The following PAK3 variants were observed in gnomAD, a reference collection of about 807,000 sequenced individuals.
PAK3 encodes the protein serine/threonine-protein kinase PAK 3.
PAK3 carries 4 observed loss-of-function variants against 41.0 expected under a neutral mutation model. The ratio of observed to expected loss-of-function variants is 0.10; its 90% confidence interval spans 0.05 to 0.22. The LOEUF (loss-of-function observed/expected upper bound fraction) is 0.22. PAK3 is among the 10% of genes least tolerant of loss of function. PAK3 has a pLI of 1.00. For missense variants in PAK3, 205 were observed against 409.9 expected (o/e 0.50, Z 4.32); for synonymous variants, 146 against 139.6 (o/e 1.05, Z -0.32).
rs1165214381 is a variant in PAK3, at chrX:111,225,165, T to A, written c.*4718T>A. The A allele has an allele frequency of 8.9e-6, 1 of 112,405 alleles. No individual in the cohort carries two copies. The highest frequency in any genetic ancestry group is 1.9e-5 in the Non-Finnish European group (1 of 53,339). 9.3% of individuals were successfully genotyped at this position (112,405 alleles called of 1,213,427 possible). A position where few individuals can be genotyped will look rare whatever the true frequency, so the allele number is the denominator to read the frequency against. ...GAATATTTCTCCTATGAAAGAATTT[T>A]TCGTAGAAGATTTGTTTTTGATATA... On this transcript the variant is annotated 3_prime_UTR_variant, in exon 18 of 18. Transcript: ENST00000372007.
intron 6 of PAK3, among the ~76,000 whole-genome samples, chrX:111,146,192 T>A (rs2093941889): frequency 8.9e-6 from 1 of 112,215 alleles, no homozygotes; most frequent in Non-Finnish European, 1.9e-5. Flanking sequence ...CCTTCTTGCC[T>A]CCAAATTCAT....
intron 1 of PAK3, chrX:111,013,835 T>C (rs1180024226): frequency 9.0e-6 from 1 of 111,630 alleles, no homozygotes; most frequent in Non-Finnish European, 1.9e-5. Flanking sequence ...CAGAATAACA[T>C]ACAGAGGACA....
At position 111,104,430 on chromosome X, in the gene PAK3, T is replaced by C. The variant is rs138468238; in HGVS notation, c.-28+1124T>C. ...CCTACAGACAAGGTAAAACTGCAGC[T>C]CAGCAGCAGGTGTTTCTGTGATGCC... On this transcript the variant is annotated intron_variant, in intron 4 of 17. Coordinates refer to ENST00000372007, the MANE Select transcript of PAK3 (RefSeq NM_002578.5). Among the ~76,000 whole-genome samples, 1,031 of 112,128 alleles carry C rather than the reference T, an allele frequency of 9.2e-3. 9 individuals are homozygous for C. Among genetic ancestry groups the C allele is most frequent in the Non-Finnish European group, 0.015 (806 of 53,187 alleles).
At chrX:111,064,702 G>A (rs1051595505) in intron 1 of PAK3, among the ~76,000 whole-genome samples, 1 of 112,321 alleles carries the variant, frequency 8.9e-6, no homozygotes, top group Non-Finnish European at 1.9e-5. Context: ...ACCATTGATG[G>A]GCACCTTGGT....
At chrX:111,145,051 A>T in intron 6 of PAK3, 1 of 384,832 alleles carries the variant, frequency 2.6e-6, no homozygotes, top group Non-Finnish European at 4.7e-6. Context: ...TATCCTATAC[A>T]CAGTCAGACA....
chrX:110,960,875 A>G (rs2090964602), intron 1 of PAK3, among the ~76,000 whole-genome samples: 1 of 111,560 alleles, frequency 9.0e-6, no homozygotes, highest in South Asian at 3.8e-4. Flanking sequence ...CTTTTATTTC[A>G]TCTAAATCTC....
At chrX:111,120,293 A>G (rs138746340) in intron 4 of PAK3, among the ~76,000 whole-genome samples, 1,504 of 111,860 alleles carry the variant, frequency 0.013, 15 homozygotes, top group South Asian at 0.039. Flanking sequence ...TTAGTGCAAT[A>G]TAGAAGAGTT....
At chrX:111,105,175 C>T (rs1420920054) in intron 4 of PAK3, among the ~76,000 whole-genome samples, 3 of 111,476 alleles carry the variant, frequency 2.7e-5, no homozygotes, top group East Asian at 2.8e-4. Context: ...TTCACATTCA[C>T]GTATTCACAT....
At chrX:111,214,620 A>G (rs2094857101) in intron 16 of PAK3, among the ~76,000 whole-genome samples, 2 of 111,600 alleles carry the variant, frequency 1.8e-5, no homozygotes, top group South Asian at 7.6e-4. Context: ...GGGGTGGCTC[A>G]GAAACCTGTG....
intron 1 of PAK3, among the ~76,000 whole-genome samples, chrX:111,081,999 A>G (rs924207073): frequency 1.8e-5 from 2 of 112,120 alleles, no homozygotes; most frequent in African/African-American, 6.5e-5. Context: ...TTTAAAATTG[A>G]TAATACATTT....
chrX:111,199,513 A>G (rs2094654575), intron 16 of PAK3, among the ~76,000 whole-genome samples: 1 of 111,694 alleles, frequency 9.0e-6, no homozygotes, highest in Non-Finnish European at 1.9e-5. Flanking sequence ...TCAATCTAAA[A>G]AACACTTGCT....
chrX:110,996,479 C>T (rs2091741731), intron 1 of PAK3, among the ~76,000 whole-genome samples: 1 of 111,705 alleles, frequency 9.0e-6, no homozygotes, highest in South Asian at 3.8e-4. Flanking sequence ...GTCTTCCCCA[C>T]CAAATTATTG....
chrX:111,136,309 C>A (rs2093788816), intron 5 of PAK3, among the ~76,000 whole-genome samples: 1 of 111,776 alleles, frequency 8.9e-6, no homozygotes, highest in East Asian at 2.8e-4. Flanking sequence ...AAGCACCAAC[C>A]AATCTGCATG....
chrX:111,047,449 A>G (rs745518280), intron 1 of PAK3, among the ~76,000 whole-genome samples: 1 of 109,952 alleles, frequency 9.1e-6, no homozygotes, highest in South Asian at 4.0e-4. Context: ...AAAGTGCTGT[A>G]GGAGATAGAG....
At chrX:111,101,048 T>C (rs2093124783) in intron 3 of PAK3, among the ~76,000 whole-genome samples, 1 of 111,975 alleles carries the variant, frequency 8.9e-6, no homozygotes, top group African/African-American at 3.3e-5. Context: ...GCAATTCACA[T>C]GCAACACAGT....
At chrX:111,004,294 TAAG>T (rs2091891073) in intron 1 of PAK3, among the ~76,000 whole-genome samples, 1 of 111,376 alleles carries the variant, frequency 9.0e-6, no homozygotes, top group Non-Finnish European at 1.9e-5. Flanking sequence ...TAGAGAGAGT[TAAG>T]AAGCCACTCG....
At chrX:111,078,597 A>C (rs1207893358) in intron 1 of PAK3, among the ~76,000 whole-genome samples, 1 of 110,653 alleles carries the variant, frequency 9.0e-6, no homozygotes, top group Non-Finnish European at 1.9e-5. Context: ...AGCCCTGCCT[A>C]TTTTCTGAGA....
At chrX:111,016,701 T>TACTA (rs2092095276) in intron 1 of PAK3, among the ~76,000 whole-genome samples, 1 of 84,920 alleles carries the variant, frequency 1.2e-5, no homozygotes, top group Non-Finnish European at 2.1e-5. Context: ...ATCTCACATA[T>TACTA]ACTACATCAG....
At chrX:111,167,376 A>G (rs2094271810) in intron 10 of PAK3, among the ~76,000 whole-genome samples, 1 of 111,106 alleles carries the variant, frequency 9.0e-6, no homozygotes, top group African/African-American at 3.3e-5. Flanking sequence ...AGCATGGTGA[A>G]GAGTAGATGG....
Sources: gnomAD v4.1 joint callset for allele counts (sites outside exome capture counted in the v4.1 genomes callset) on GRCh38, gnomAD v4.1.1 for gene constraint, MANE v1.5 for transcripts, NCBI Gene and HGNC (gene_info 2026-07-23, HGNC 2026-07-21) for gene names.